The following TFEC variants were observed in gnomAD, a reference collection of about 807,000 sequenced individuals.
TFEC encodes class E basic helix-loop-helix protein 34.
Under a neutral mutation model 41.6 loss-of-function variants are expected in TFEC, and 31 were observed. That is an observed-to-expected ratio of 0.74 (90% CI 0.56 to 1.01). The LOEUF (loss-of-function observed/expected upper bound fraction) is 1.01, where lower values mean the gene tolerates loss of function less well. Ranked by LOEUF, TFEC falls within the 50% of genes least tolerant of loss-of-function variation. The pLI is 0.00. For synonymous variants in TFEC, 143 were observed against 140.6 expected (o/e 1.02, Z -0.12); for missense variants, 402 against 404.1 (o/e 0.99, Z 0.04).
intron 1 of TFEC, among the ~76,000 whole-genome samples, chr7:116,155,142 G>C (rs1178144124): frequency 6.6e-6 from 1 of 152,154 alleles, no homozygotes; most frequent in Non-Finnish European, 1.5e-5. Flanking sequence ...TACGATTTCT[G>C]TTTCCCTGAC....
intron 3 of TFEC, among the ~76,000 whole-genome samples, chr7:116,093,718 T>C (rs1396556412): frequency 6.6e-6 from 1 of 152,198 alleles, no homozygotes; most frequent in African/African-American, 2.4e-5. Flanking sequence ...TATGACATCA[T>C]TGATTTCCAA....
chr7:116,026,906 TG>T (rs1795605399), intron 1 of TFEC, among the ~76,000 whole-genome samples: 1 of 152,154 alleles, frequency 6.6e-6, no homozygotes, highest in Non-Finnish European at 1.5e-5. Flanking sequence ...ATTGGCTAAG[TG>T]GGGAGAAACA....
chr7:115,943,901 A>G (rs1440100677), intron 6 of TFEC, among the ~76,000 whole-genome samples: 1 of 150,842 alleles, frequency 6.6e-6, no homozygotes, highest in Non-Finnish European at 1.5e-5. Flanking sequence ...AAAACTATGG[A>G]AAATGTACAA....
intron 3 of TFEC, among the ~76,000 whole-genome samples, 194 bp downstream of exon 3, chr7:115,973,975 AT>A (rs1793251882): frequency 6.6e-6 from 1 of 152,070 alleles, no homozygotes; most frequent in Non-Finnish European, 1.5e-5. Flanking sequence ...AGAGAGAGAG[AT>A]TAGTACAAGC....
At chr7:116,136,601 T>G (rs1177780709) in intron 1 of TFEC, among the ~76,000 whole-genome samples, 1 of 151,946 alleles carries the variant, frequency 6.6e-6, no homozygotes, top group Non-Finnish European at 1.5e-5. Context: ...GTTTTCAATC[T>G]CAATAGAAAA....
intron 1 of TFEC, among the ~76,000 whole-genome samples, chr7:116,006,738 G>A (rs1794806526): frequency 6.6e-6 from 1 of 152,086 alleles, no homozygotes; most frequent in African/African-American, 2.4e-5. Context: ...GGGAGGGATG[G>A]GGGCAGAATG....
chr7:116,068,840 G>A (rs1350629511), intron 3 of TFEC, among the ~76,000 whole-genome samples: 2 of 150,584 alleles, frequency 1.3e-5, no homozygotes, highest in African/African-American at 2.4e-5. Flanking sequence ...CTCATTTTTC[G>A]CTGTAACATC....
chr7:116,090,360 G>A (rs1420840120), intron 3 of TFEC, among the ~76,000 whole-genome samples: 2 of 152,058 alleles, frequency 1.3e-5, no homozygotes, highest in Admixed American at 1.3e-4. Flanking sequence ...TCTGTATCTG[G>A]GCCCTTGAGC....
At chr7:115,974,098 A>G in intron 3 of TFEC, 72 bp downstream of exon 3, 1 of 1,243,650 alleles carries the variant, frequency 8.0e-7, no homozygotes, top group Non-Finnish European at 1.1e-6. Context: ...ACCAGTTGCT[A>G]ATCAAATATT....
At chr7:115,957,319 T>C (rs1029604512) in intron 3 of TFEC, among the ~76,000 whole-genome samples, 1 of 151,852 alleles carries the variant, frequency 6.6e-6, no homozygotes, top group Non-Finnish European at 1.5e-5. Context: ...CTGGAAGGCA[T>C]ACTTTTTCTC....
upstream of TFEC, among the ~76,000 whole-genome samples, chr7:116,034,215 T>C (rs1251665744): frequency 1.3e-5 from 2 of 152,110 alleles, no homozygotes; most frequent in African/African-American, 4.8e-5. Context: ...CAGCCTGTTC[T>C]TTCCCCTACC....
chr7:116,136,258 A>G (rs1303353921), intron 1 of TFEC, among the ~76,000 whole-genome samples: 1 of 152,058 alleles, frequency 6.6e-6, no homozygotes, highest in African/African-American at 2.4e-5. Flanking sequence ...AACTCTATTA[A>G]TGAAAACAAT....
At chr7:115,942,204 G>T (rs1318259708) in intron 6 of TFEC, among the ~76,000 whole-genome samples, 164 bp from the exon 7 acceptor site, 1 of 151,900 alleles carries the variant, frequency 6.6e-6, no homozygotes, top group Admixed American at 6.6e-5. Context: ...TAGTTAAGAA[G>T]CCCTTATATA....
upstream of TFEC, among the ~76,000 whole-genome samples, chr7:116,032,685 G>A (rs1464653109): frequency 6.6e-6 from 1 of 152,082 alleles, no homozygotes; most frequent in East Asian, 1.9e-4. Flanking sequence ...CTATCAGAGG[G>A]TGGAAGGCTG....
intron 1 of TFEC, among the ~76,000 whole-genome samples, chr7:116,117,307 T>A (rs1437548605): frequency 6.6e-6 from 1 of 151,846 alleles, no homozygotes; most frequent in Non-Finnish European, 1.5e-5. Context: ...ATACAACATT[T>A]CACCACATAG....
chr7:115,941,582 A>G (rs1418638333), intron 7 of TFEC: 1 of 336,220 alleles, frequency 3.0e-6, no homozygotes, highest in Non-Finnish European at 5.3e-6. Context: ...GTTATATTTT[A>G]TGCATTTTGT....
chr7:116,095,938 G>A (rs1427745244), intron 3 of TFEC, among the ~76,000 whole-genome samples: 1 of 151,886 alleles, frequency 6.6e-6, no homozygotes. Flanking sequence ...TTCATCTGTT[G>A]CCTTTGCAAC....
At chr7:115,966,144 C>T (rs1304351903) in intron 3 of TFEC, among the ~76,000 whole-genome samples, 4 of 151,584 alleles carry the variant, frequency 2.6e-5, no homozygotes, top group Non-Finnish European at 4.4e-5. Context: ...TGTATTAAGC[C>T]CAAATTCTTG....
At chr7:115,964,552 T>C (rs1792744434) in intron 3 of TFEC, among the ~76,000 whole-genome samples, 3 of 151,632 alleles carry the variant, frequency 2.0e-5, no homozygotes, top group Non-Finnish European at 3.0e-5. Flanking sequence ...AAGTGTATTT[T>C]ATAATTTAAA....
Sources: allele counts gnomAD v4.1 joint callset (sites outside exome capture counted in the v4.1 genomes callset), GRCh38; gene constraint gnomAD v4.1.1; transcripts MANE v1.5; gene names NCBI Gene and HGNC (gene_info 2026-07-23, HGNC 2026-07-21).